ANKRD31: variants seen among roughly 807,000 people sequenced by gnomAD.
The protein encoded by ANKRD31 is ankyrin repeat domain 31.
ANKRD31 carries 147 observed loss-of-function variants against 186.0 expected under a neutral mutation model. That is an observed-to-expected ratio of 0.79 (90% CI 0.69 to 0.91). The LOEUF (loss-of-function observed/expected upper bound fraction) is 0.91. ANKRD31 is among the 40% of genes least tolerant of loss of function. ANKRD31 has a pLI of 0.00. For synonymous variants in ANKRD31, 673 were observed against 736.4 expected (o/e 0.91, Z 1.39); for missense variants, 1,986 against 2,148.8 (o/e 0.92, Z 1.50).
At chr5:75,187,163 A>C (rs1754794407) in intron 10 of ANKRD31, among the ~76,000 whole-genome samples, 2 of 137,518 alleles carry the variant, frequency 1.5e-5, no homozygotes, top group Admixed American at 1.4e-4. Flanking sequence ...GGGAGGTGAA[A>C]TGATGGTTGC....
chr5:75,134,268 G>C (rs1096798), intron 17 of ANKRD31, among the ~76,000 whole-genome samples: 1 of 151,322 alleles, frequency 6.6e-6, no homozygotes, highest in African/African-American at 2.4e-5. Flanking sequence ...ATACCACTAG[G>C]AAAACTAATA....
At chr5:75,185,195 T>C (rs1754618245) in intron 10 of ANKRD31, among the ~76,000 whole-genome samples, 2 of 152,122 alleles carry the variant, frequency 1.3e-5, no homozygotes, top group Non-Finnish European at 2.9e-5. Flanking sequence ...TAGTGGTTAC[T>C]ACAGACTGAG....
At chr5:75,135,338 GT>G (rs1376811228) in intron 17 of ANKRD31, among the ~76,000 whole-genome samples, 1 of 152,168 alleles carries the variant, frequency 6.6e-6, no homozygotes, top group Non-Finnish European at 1.5e-5. Flanking sequence ...CTAAATCAAT[GT>G]GCAAAAATCA....
At chr5:75,227,238 A>G (rs1757687059) in intron 2 of ANKRD31, among the ~76,000 whole-genome samples, 1 of 152,164 alleles carries the variant, frequency 6.6e-6, no homozygotes, top group African/African-American at 2.4e-5. Flanking sequence ...AATTGAACTC[A>G]TGGAGATAAG....
intron 17 of ANKRD31, among the ~76,000 whole-genome samples, chr5:75,129,723 C>T (rs1749583472): frequency 6.6e-6 from 1 of 152,182 alleles, no homozygotes; most frequent in South Asian, 2.1e-4. Flanking sequence ...ATGAGCGATG[C>T]AGAAGATGGT....
At chr5:75,132,593 C>T (rs544378841) in intron 17 of ANKRD31, among the ~76,000 whole-genome samples, 1 of 152,308 alleles carries the variant, frequency 6.6e-6, no homozygotes, top group Admixed American at 6.5e-5. Flanking sequence ...AAACACTCTG[C>T]AGGATATTAT....
chr5:75,152,916 A>G (rs1464572447), intron 12 of ANKRD31, among the ~76,000 whole-genome samples: 1 of 151,984 alleles, frequency 6.6e-6, no homozygotes, highest in Admixed American at 6.6e-5. Context: ...ATCCATGTAT[A>G]TTAAGAGGTG....
At chr5:75,236,108 G>A (rs781766713) in intron 1 of ANKRD31, among the ~76,000 whole-genome samples, 2 of 152,246 alleles carry the variant, frequency 1.3e-5, no homozygotes, top group African/African-American at 2.4e-5. Context: ...CTGAAATACC[G>A]ACTTTTTTGG....
chr5:75,201,895 C>T (rs1755846249), intron 5 of ANKRD31, among the ~76,000 whole-genome samples: 1 of 152,168 alleles, frequency 6.6e-6, no homozygotes, highest in South Asian at 2.1e-4. Context: ...CTCCACAACC[C>T]CTTATCATCA....
At chr5:75,178,764 T>G (rs773055050) in intron 10 of ANKRD31, among the ~76,000 whole-genome samples, 5 of 152,100 alleles carry the variant, frequency 3.3e-5, no homozygotes, top group African/African-American at 1.2e-4. Context: ...TAGCACTAAA[T>G]GCCCACAAGA....
intron 23 of ANKRD31, among the ~76,000 whole-genome samples, chr5:75,086,776 T>A (rs1446158499): frequency 1.3e-5 from 2 of 152,224 alleles, no homozygotes; most frequent in Non-Finnish European, 2.9e-5. Flanking sequence ...TCCCTGAAGC[T>A]CTTACAACAC....
At chr5:75,185,106 T>C (rs974688665) in intron 10 of ANKRD31, among the ~76,000 whole-genome samples, 2 of 152,128 alleles carry the variant, frequency 1.3e-5, no homozygotes, top group African/African-American at 4.8e-5. Context: ...AAATAAGATA[T>C]GCACAGGAAG....
intron 10 of ANKRD31, among the ~76,000 whole-genome samples, chr5:75,174,644 G>C (rs1378050305): frequency 6.6e-6 from 1 of 152,182 alleles, no homozygotes; most frequent in Non-Finnish European, 1.5e-5. Flanking sequence ...CATCATCACT[G>C]ATCATCAGAG....
In ANKRD31 at chr5:75,186,359, C is replaced by T. The variant is rs926771977; in HGVS notation, c.1564+2134G>A. Among the ~76,000 whole-genome samples the T allele has an allele frequency of 3.3e-5, 5 of 152,118 alleles. No individual in the cohort carries two copies. In the East Asian group the frequency reaches 5.8e-4, roughly 18 times the overall value. On this transcript the variant is annotated intron_variant, in intron 10 of 25. Transcript: ENST00000506364. ...TTGTTATATGCTGTAATGTAGCCAC[C>T]GTTAACACTCACAGAAGTATAAAGC...
At chr5:75,121,137 T>G (rs758419318) in intron 17 of ANKRD31, among the ~76,000 whole-genome samples, 21 of 150,756 alleles carry the variant, frequency 1.4e-4, no homozygotes, top group Non-Finnish European at 2.9e-4. Flanking sequence ...GAGCTGAGAT[T>G]GCATCACTAC....
intron 3 of ANKRD31, among the ~76,000 whole-genome samples, chr5:75,214,458 T>A (rs960319469): frequency 5.3e-5 from 8 of 152,170 alleles, no homozygotes; most frequent in Admixed American, 3.9e-4. Context: ...AAAAATCACA[T>A]TGTATTTGAG....
At position 75,201,650 on chromosome 5, in the gene ANKRD31, C is replaced by T. The variant is rs73763025; in HGVS notation, c.404-1976G>A. On this transcript the variant is annotated intron_variant, in intron 5 of 25. Transcript: ENST00000506364. ...AAAGCAAAAAAATAAAATTCTAAGG[C>T]TCCCAATCATCTGAATGGACCCCTC... Among the ~76,000 whole-genome samples, 159 of 152,256 alleles carry T rather than the reference C, an allele frequency of 1.0e-3. 1 individual carries two copies. Among genetic ancestry groups the T allele is most frequent in the African/African-American group, 3.5e-3 (146 of 41,544 alleles).
intron 14 of ANKRD31, among the ~76,000 whole-genome samples, chr5:75,145,566 C>T (rs1003774832): frequency 2.6e-5 from 4 of 151,934 alleles, no homozygotes; most frequent in Admixed American, 6.6e-5. Flanking sequence ...GAACATCACA[C>T]ACCAGGGCCT....
In ANKRD31 at chr5:75,192,756, A is replaced by G; in HGVS notation, c.1319T>C (p.Met440Thr). Reference protein sequence around the residue: ...QNFRMQDPALMIDGKEKNMHS... With the variant: ...QNFRMQDPALTIDGKEKNMHS... ...CATATTCTTCTCTTTACCATCAATC[A>G]TTAAAGCCGGATCCTGCATTCTTGA... is the stretch of plus-strand genomic sequence containing the variant. The change falls in exon 9 of 26, where the codon ATG becomes ACG. Residue 440 changes from methionine to threonine, a missense_variant. Physicochemically the swap from Met to Thr is moderately conservative, Grantham distance 81 (BLOSUM62 -1). Coordinates refer to ENST00000506364, the MANE Select transcript of ANKRD31 (RefSeq NM_001372053.1). The G allele has an allele frequency of 6.5e-7, 1 of 1,534,558 alleles. No homozygotes were observed. Among genetic ancestry groups the G allele is most frequent in the Non-Finnish European group, 8.7e-7 (1 of 1,145,798 alleles).
Sources: gnomAD v4.1 joint callset for allele counts (sites outside exome capture counted in the v4.1 genomes callset) on GRCh38, gnomAD v4.1.1 for gene constraint, MANE v1.5 for transcripts, NCBI Gene and HGNC (gene_info 2026-07-23, HGNC 2026-07-21) for gene names.